Variants in CDH4 observed in about 807,000 individuals in gnomAD.
CDH4 encodes cadherin 4, also known as cadherin-4.
CDH4 carries 33 observed loss-of-function variants against 86.0 expected under a neutral mutation model. That is an observed-to-expected ratio of 0.38 (90% CI 0.29 to 0.51). The LOEUF is 0.51. Ranked by LOEUF, CDH4 falls within the 20% of genes least tolerant of loss-of-function variation. The pLI, the probability that CDH4 is intolerant of heterozygous loss-of-function variation, is 0.86. For missense variants in CDH4, 1,114 were observed against 1,307.4 expected (o/e 0.85, Z 2.28); for synonymous variants, 555 against 549.4 (o/e 1.01, Z -0.14).
At chr20:61,525,569 G>A (rs1025135977) in intron 2 of CDH4, among the ~76,000 whole-genome samples, 2 of 152,184 alleles carry the variant, frequency 1.3e-5, no homozygotes, top group South Asian at 2.1e-4. Context: ...CAGAAGCCGG[G>A]ACTTGCTGAA....
At chr20:61,805,595 G>A (rs994362786) in intron 4 of CDH4, among the ~76,000 whole-genome samples, 8 of 152,216 alleles carry the variant, frequency 5.3e-5, no homozygotes, top group South Asian at 2.1e-4. Flanking sequence ...CGGGGGTCTC[G>A]GACCCACCCC....
At chr20:61,349,771 A>G (rs534931108) in intron 2 of CDH4, among the ~76,000 whole-genome samples, 1 of 152,012 alleles carries the variant, frequency 6.6e-6, no homozygotes, top group South Asian at 2.1e-4. Flanking sequence ...TGCAAATAAG[A>G]CCCCTCTGAG....
chr20:61,680,622 C>A (rs1161849814), intron 2 of CDH4, among the ~76,000 whole-genome samples: 1 of 152,176 alleles, frequency 6.6e-6, no homozygotes, highest in Non-Finnish European at 1.5e-5. Context: ...AGAAGGGCGC[C>A]CTGGTGTCCT....
chr20:61,321,184 GTTGA>G (rs1274335820), intron 2 of CDH4, among the ~76,000 whole-genome samples: 1 of 152,198 alleles, frequency 6.6e-6, no homozygotes, highest in African/African-American at 2.4e-5. Flanking sequence ...CTCATTAGTC[GTTGA>G]TTGAGGTCAG....
At chr20:61,545,850 A>G (rs113810623) in intron 2 of CDH4, among the ~76,000 whole-genome samples, 52 of 68,728 alleles carry the variant, frequency 7.6e-4, no homozygotes, top group African/African-American at 1.3e-3. Flanking sequence ...GTGGAGGGGT[A>G]TGTGTGCATG....
intron 2 of CDH4, among the ~76,000 whole-genome samples, chr20:61,699,456 C>T (rs1262671014): frequency 6.6e-6 from 1 of 152,228 alleles, no homozygotes. Context: ...TGCCCAGGAG[C>T]ACTGTTCACC....
At chr20:61,925,912 C>T (rs35038264) in intron 11 of CDH4, among the ~76,000 whole-genome samples, 1 of 152,150 alleles carries the variant, frequency 6.6e-6, no homozygotes, top group African/African-American at 2.4e-5. Flanking sequence ...GTCCTCCACC[C>T]ACAGCTCACA....
chr20:61,314,404 C>T (rs1264446426), intron 2 of CDH4, among the ~76,000 whole-genome samples: 6 of 152,182 alleles, frequency 3.9e-5, no homozygotes, highest in Non-Finnish European at 7.3e-5. Flanking sequence ...TATTTAGTAT[C>T]GTGTCCTCCA....
At chr20:61,525,465 G>A (rs1425682377) in intron 2 of CDH4, among the ~76,000 whole-genome samples, 1 of 152,164 alleles carries the variant, frequency 6.6e-6, no homozygotes, top group Non-Finnish European at 1.5e-5. Context: ...TGCATGCGGT[G>A]AGCAGGGTCT....
chr20:61,476,782 G>A (rs541614793), intron 2 of CDH4, among the ~76,000 whole-genome samples: 37 of 152,378 alleles, frequency 2.4e-4, no homozygotes, highest in Admixed American at 2.0e-3. Flanking sequence ...GAAAGGACAT[G>A]GCTGGGGACA....
At chr20:61,322,238 C>T (rs2084512812) in intron 2 of CDH4, among the ~76,000 whole-genome samples, 2 of 152,192 alleles carry the variant, frequency 1.3e-5, no homozygotes, top group Admixed American at 1.3e-4. Flanking sequence ...TGACTAACTA[C>T]CCCCCATCCC....
At chr20:61,569,106 C>T (rs1013339066) in intron 2 of CDH4, among the ~76,000 whole-genome samples, 7 of 152,234 alleles carry the variant, frequency 4.6e-5, no homozygotes, top group East Asian at 3.9e-4. Context: ...AAATCCTGGC[C>T]GCGCCACTTG....
At chr20:61,846,859 A>G (rs757760345) in intron 5 of CDH4, among the ~76,000 whole-genome samples, 2 of 151,816 alleles carry the variant, frequency 1.3e-5, no homozygotes, top group Non-Finnish European at 2.9e-5. Context: ...GGGGCATCCA[A>G]GGGGCACCAG....
intron 2 of CDH4, among the ~76,000 whole-genome samples, chr20:61,333,792 G>C (rs886603591): frequency 3.4e-4 from 52 of 152,344 alleles, no homozygotes; most frequent in African/African-American, 1.2e-3. Context: ...CCCCTGGGCT[G>C]TCTGGGAGAC....
intron 2 of CDH4, among the ~76,000 whole-genome samples, chr20:61,728,137 T>A (rs1226457964): frequency 6.7e-6 from 1 of 149,148 alleles, no homozygotes; most frequent in Non-Finnish European, 1.5e-5. Flanking sequence ...ACCTTTTTTC[T>A]CTCTAAACCC....
At chr20:61,520,578 G>A (rs1049902107) in intron 2 of CDH4, among the ~76,000 whole-genome samples, 9 of 152,204 alleles carry the variant, frequency 5.9e-5, no homozygotes, top group African/African-American at 2.2e-4. Context: ...TGGTTGTCAG[G>A]CTGACCAGGC....
At chr20:61,463,197 T>C (rs1210582595) in intron 2 of CDH4, among the ~76,000 whole-genome samples, 1 of 152,192 alleles carries the variant, frequency 6.6e-6, no homozygotes, top group Non-Finnish European at 1.5e-5. Flanking sequence ...CGTGGAACTG[T>C]GAGTCCATTA....
At chr20:61,505,972 G>T (rs1261024003) in intron 2 of CDH4, among the ~76,000 whole-genome samples, 1 of 152,260 alleles carries the variant, frequency 6.6e-6, no homozygotes. Context: ...TCGAAGTCTG[G>T]TGATGGTACG....
intron 2 of CDH4, among the ~76,000 whole-genome samples, chr20:61,536,322 G>C (rs1475375295): frequency 6.6e-6 from 1 of 152,222 alleles, no homozygotes; most frequent in East Asian, 1.9e-4. Flanking sequence ...CACAGACATG[G>C]CTTAACTGGG....
Sources: allele counts gnomAD v4.1 joint callset (sites outside exome capture counted in the v4.1 genomes callset), GRCh38; gene constraint gnomAD v4.1.1; transcripts MANE v1.5; gene names NCBI Gene and HGNC (gene_info 2026-07-23, HGNC 2026-07-21).